SLC44A2: variants seen among roughly 807,000 people sequenced by gnomAD.
SLC44A2 encodes the protein solute carrier family 44 member 2 (CTL2 blood group), also known as choline transporter-like protein 2.
Under a neutral mutation model 90.8 loss-of-function variants are expected in SLC44A2, and 57 were observed. That is an observed-to-expected ratio of 0.63 (90% CI 0.51 to 0.78). The LOEUF is 0.78. Among genes scored for constraint, SLC44A2 ranks in the 30% least tolerant of loss-of-function variants. The probability of loss-of-function intolerance (pLI) is 0.00; values close to 1 mark genes in which losing one functional copy is unlikely to be tolerated. For missense variants in SLC44A2, 794 were observed against 919.7 expected, an observed-to-expected ratio of 0.86 and a Z score of 1.77; for synonymous variants, 355 against 360.7, an observed-to-expected ratio of 0.98 and a Z score of 0.18.
intron 10 of SLC44A2, 52 bp from the exon 11 acceptor site, chr19:10,634,704 T>G: frequency 6.2e-7 from 1 of 1,610,634 alleles, no homozygotes; most frequent in Non-Finnish European, 8.5e-7. Flanking sequence ...GTAGCTGCTT[T>G]GCAAAGTTGC....
chr19:10,627,745 G>C lies in SLC44A2; in HGVS notation c.110G>C (p.Cys37Ser). The part of the protein sequence containing the change: ...YNRGCTDIIC[C>S]VFLLLAIVGY... The stretch of plus-strand genomic sequence containing the variant: ...AGGGGCTGCACGGATATCATATGCT[G>C]TGTGTTCCTGCTCCTGGCCATTGTG... Residue 37 changes from cysteine to serine, a missense_variant, in exon 3 of 22, where the codon TGT (cysteine) becomes TCT (serine). Around this residue, in one of 3 missense-constraint regions of SLC44A2, gnomAD observed 738 missense variants for 841.1 expected, o/e 0.88. Coordinates refer to ENST00000335757, the MANE Select transcript of SLC44A2 (RefSeq NM_020428.4). 1.2e-6 allele frequency: 2 copies of C among 1,613,710 alleles called. No homozygotes were observed. Among genetic ancestry groups the C allele is most frequent in the Non-Finnish European group, 1.7e-6 (2 of 1,179,990 alleles).
At chr19:10,637,089 C>T (rs974413035) in intron 16 of SLC44A2, 9 of 256,266 alleles carry the variant, frequency 3.5e-5, no homozygotes, top group African/African-American at 2.0e-4. Flanking sequence ...GGCGCCGTGA[C>T]TCACGCCTGT....
intron 1 of SLC44A2, among the ~76,000 whole-genome samples, chr19:10,603,498 G>A (rs528844765): frequency 1.3e-5 from 2 of 152,328 alleles, no homozygotes; most frequent in African/African-American, 4.8e-5. Flanking sequence ...GGAGGGGGCC[G>A]GAAACGGCTC....
At chr19:10,640,867 T>C (rs2067107833) in intron 20 of SLC44A2, among the ~76,000 whole-genome samples, 1 of 150,968 alleles carries the variant, frequency 6.6e-6, no homozygotes, top group Admixed American at 6.6e-5. Flanking sequence ...AGGCGGATCA[T>C]GAACGTCAGG....
rs1214241114 is a variant in SLC44A2 at position 10,636,286 on chromosome 19, C to T, written c.1234-37C>T. 1.9e-6 allele frequency: 3 copies of T among 1,584,142 alleles called. No individual in the cohort carries two copies. In the Admixed American group the frequency reaches 5.3e-5, roughly 28 times the overall value. ...CAGAGCCCACTGTGAACCCCTGGTG[C>T]CTCTTTTTGGACTCGGTTCTCCCTT... On this transcript the variant is annotated intron_variant, in intron 14 of 21. Coordinates refer to ENST00000335757, the MANE Select transcript of SLC44A2 (RefSeq NM_020428.4).
At position 10,635,455 on chromosome 19, in the gene SLC44A2, G is replaced by C; in HGVS notation, c.1173G>C (p.Ala391=). 6 of 1,614,098 alleles carry C rather than the reference G, an allele frequency of 3.7e-6. No homozygotes were observed. The highest frequency in any genetic ancestry group is 3.4e-6 in the Non-Finnish European group (4 of 1,180,028). The stretch of plus-strand genomic sequence containing the variant: ...GCTTCCTGTCCACTTCCAACGAAGC[G>C]GTCTATAAGATCTTTGATGACAGCC... The part of the protein sequence containing the change: ...TAVFLSTSNE[A]VYKIFDDSPC... The change falls in exon 14 of 22, where the codon GCG becomes GCC. Residue 391 remains alanine (A), a synonymous_variant. Coordinates refer to ENST00000335757, the MANE Select transcript of SLC44A2 (RefSeq NM_020428.4).
chr19:10,621,769 C>G (rs2066896635), upstream of SLC44A2, among the ~76,000 whole-genome samples: 1 of 152,150 alleles, frequency 6.6e-6, no homozygotes, highest in Non-Finnish European at 1.5e-5. Context: ...CAGGCATGCA[C>G]CACCTCGCCC....
chr19:10,626,230 A>G (rs749491679), intron 1 of SLC44A2, 23 bp from the exon 2 acceptor site: 33 of 1,606,416 alleles, frequency 2.1e-5, no homozygotes, highest in Middle Eastern at 1.6e-4. Context: ...AATCCCATCC[A>G]TCTTAATCTT....
At chr19:10,637,568 G>A in intron 16 of SLC44A2, 76 bp from the exon 17 acceptor site, 1 of 1,311,294 alleles carries the variant, frequency 7.6e-7, no homozygotes, top group East Asian at 2.3e-5. Flanking sequence ...GCAAGTGTGT[G>A]TGATAGGGAA....
chr19:10,632,967 C>T (rs1016517751), intron 10 of SLC44A2, among the ~76,000 whole-genome samples: 5 of 151,922 alleles, frequency 3.3e-5, no homozygotes, highest in Admixed American at 2.6e-4. Flanking sequence ...CCACCGCGCC[C>T]GGACTGCTTC....
At chr19:10,618,640 C>A (rs374489348) in intron 1 of SLC44A2, among the ~76,000 whole-genome samples, 1 of 151,640 alleles carries the variant, frequency 6.6e-6, no homozygotes, top group South Asian at 2.1e-4. Flanking sequence ...CCACCACGCC[C>A]GGCTAATTTT....
At position 10,636,772 on chromosome 19, in the gene SLC44A2, G is replaced by C. The variant is rs752942834; in HGVS notation, c.1591+16G>C. ...CGGCTGAAAGGTACGTCCCACCCACGGTTCGCATTAGCTCCTGTTGCGGGG... is the reference window on the plus strand; with the variant it reads ...CGGCTGAAAGGTACGTCCCACCCACCGTTCGCATTAGCTCCTGTTGCGGGG... On this transcript the variant is annotated intron_variant, in intron 16 of 21. Transcript: ENST00000335757. 7 of 1,609,882 alleles carry C rather than the reference G, an allele frequency of 4.3e-6. No individual in the cohort carries two copies. The highest frequency in any genetic ancestry group is 4.2e-6 in the Non-Finnish European group (5 of 1,177,996).
At chr19:10,625,771 G>T in intron 1 of SLC44A2, 101 bp downstream of exon 1, 1 of 1,049,334 alleles carries the variant, frequency 9.5e-7, no homozygotes. Context: ...TGGAGGGGGA[G>T]CGCAATTGCA....
intron 1 of SLC44A2, among the ~76,000 whole-genome samples, chr19:10,610,331 C>CTTTTTT (rs1158338646): frequency 7.4e-6 from 1 of 134,458 alleles, no homozygotes; most frequent in Admixed American, 7.6e-5. Flanking sequence ...TTTTCTTTTC[C>CTTTTTT]TTTTTTTTTT....
chr19:10,626,103 G>C (rs910832841), intron 1 of SLC44A2, 150 bp from the exon 2 acceptor site: 1 of 689,364 alleles, frequency 1.5e-6, no homozygotes, highest in Non-Finnish European at 2.6e-6. Context: ...TGGTCACCTG[G>C]AGGTGGGTGA....
rs148688267 is a variant in SLC44A2, at chr19:10,608,379, G to A, written c.31+5818G>A. 7.5e-3 allele frequency among the ~76,000 whole-genome samples: 1,143 copies of A among 152,024 alleles called. 8 individuals are homozygous for A. The highest frequency in any genetic ancestry group is 0.012 in the Non-Finnish European group (801 of 67,966). On this transcript the variant is annotated intron_variant, in intron 1 of 21. Transcript: ENST00000407327. ...GGCGCCCAGCACAATCTTTTTTCAC[G>A]GTAGCATAGAATAGTACATTTGTGG...
Position 10,642,816 on chromosome 19 carries a change from C to T in SLC44A2, c.2014+365C>T, listed in dbSNP as rs537166004. 6 of 1,468,660 alleles carry T rather than the reference C, an allele frequency of 4.1e-6. No homozygotes were observed. The African/African-American group carries it at 7.1e-5, about 17-fold the overall frequency. The allele number at this position is 1,468,660 out of a possible 1,614,324, so 91.0% of individuals were successfully genotyped here. On this transcript the variant is annotated intron_variant, in intron 21 of 21. Coordinates refer to ENST00000335757, the MANE Select transcript of SLC44A2 (RefSeq NM_020428.4). ...TCCTCTCCTCCATGCCTGCTGGCTT[C>T]CCTGTTCTTCCCTGCCTCCCTCTTT...
At position 10,643,462 on chromosome 19, in the gene SLC44A2, T is replaced by G. The variant is rs752217854; in HGVS notation, c.*77T>G. On this transcript the variant is annotated 3_prime_UTR_variant, in exon 22 of 22. Transcript: ENST00000335757. ...TAGCTGGGTCTGTTCCCCCAGCCCC[T>G]TGGGCTCACCTGAAGTCCTATCACT... The G allele has an allele frequency of 2.0e-6, 3 of 1,515,358 alleles. No homozygotes were observed. Among genetic ancestry groups the G allele is most frequent in the Non-Finnish European group, 2.7e-6 (3 of 1,122,582 alleles). The allele number at this position is 1,515,358 out of a possible 1,614,324, so 93.9% of individuals were successfully genotyped here. A position where few individuals can be genotyped will look rare whatever the true frequency, so the allele number is the denominator to read the frequency against.
At chr19:10,613,143 T>C (rs767134497) in intron 1 of SLC44A2, among the ~76,000 whole-genome samples, 2 of 152,026 alleles carry the variant, frequency 1.3e-5, no homozygotes, top group African/African-American at 2.4e-5. Context: ...CTGCAGCCTC[T>C]GCCTCCCGGG....
Sources: allele counts gnomAD v4.1 joint callset (sites outside exome capture counted in the v4.1 genomes callset), GRCh38; gene constraint gnomAD v4.1.1; regional missense constraint gnomAD v4.1.1; transcripts MANE v1.5; gene names NCBI Gene and HGNC (gene_info 2026-07-23, HGNC 2026-07-21).